Variants in KCNK3 observed in about 807,000 individuals in gnomAD.
KCNK3 encodes the protein potassium channel subfamily K member 3.
A neutral mutation model predicts 27.3 loss-of-function variants in KCNK3; 9 were observed. That is an observed-to-expected ratio of 0.33 (90% CI 0.20 to 0.57). KCNK3 has a LOEUF of 0.57. Ranked by LOEUF, KCNK3 falls within the 20% of genes least tolerant of loss-of-function variation. The pLI, the probability that KCNK3 is intolerant of heterozygous loss-of-function variation, is 0.87. For missense variants in KCNK3, 391 were observed against 577.7 expected (o/e 0.68, Z 3.31); for synonymous variants, 278 against 273.8 (o/e 1.02, Z -0.15).
At chr2:26,711,906 G>C (rs1040049307) in intron 1 of KCNK3, among the ~76,000 whole-genome samples, 10 of 152,256 alleles carry the variant, frequency 6.6e-5, no homozygotes, top group South Asian at 6.2e-4. Flanking sequence ...GCTGCAGCTG[G>C]GGGGAGCTGG....
chr2:26,725,357 C>T (rs1663397389), intron 1 of KCNK3, among the ~76,000 whole-genome samples: 1 of 152,116 alleles, frequency 6.6e-6, no homozygotes, highest in Admixed American at 6.5e-5. Context: ...AGCTCTAGCT[C>T]AATCTTCCAG....
At chr2:26,710,483 C>T (rs1266054815) in intron 1 of KCNK3, among the ~76,000 whole-genome samples, 1 of 152,202 alleles carries the variant, frequency 6.6e-6, no homozygotes. Flanking sequence ...CACACACAGG[C>T]TTCAGAGAAG....
At chr2:26,699,442 G>A (rs1397030187) in intron 1 of KCNK3, among the ~76,000 whole-genome samples, 1 of 152,102 alleles carries the variant, frequency 6.6e-6, no homozygotes, top group East Asian at 1.9e-4. Context: ...GGCCACAGTG[G>A]GGACAGGACA....
At position 26,733,367 on chromosome 2, in the gene KCNK3, G is replaced by A. The variant is rs1010541595; in HGVS notation, c.*4799G>A. ...ATGCTGTCAATATCACCGACTCATG[G>A]AGCTTCGCAAGGCATCTTAGCTTAA... On this transcript the variant is annotated 3_prime_UTR_variant, in exon 2 of 2. Coordinates refer to ENST00000302909, the MANE Select transcript of KCNK3 (RefSeq NM_002246.3). 1 of 152,308 alleles carries A rather than the reference G, an allele frequency of 6.6e-6. No individual in the cohort carries two copies. The highest frequency in any genetic ancestry group is 2.1e-4 in the South Asian group (1 of 4,826). 9.4% of individuals were successfully genotyped at this position (152,308 alleles called of 1,614,324 possible). A position where few individuals can be genotyped will look rare whatever the true frequency, so the allele number is the denominator to read the frequency against.
chr2:26,696,769 C>T (rs1210564532), intron 1 of KCNK3, among the ~76,000 whole-genome samples: 1 of 152,192 alleles, frequency 6.6e-6, no homozygotes, highest in Non-Finnish European at 1.5e-5. Flanking sequence ...CAGGAAGGGG[C>T]TTCGGAGATC....
chr2:26,707,138 A>T (rs544014063), intron 1 of KCNK3, among the ~76,000 whole-genome samples: 1 of 152,324 alleles, frequency 6.6e-6, no homozygotes, highest in South Asian at 2.1e-4. Context: ...TGCTGGAAAG[A>T]GAGCATTCTT....
intron 1 of KCNK3, among the ~76,000 whole-genome samples, chr2:26,722,356 C>A (rs955832319): frequency 3.3e-5 from 5 of 152,224 alleles, no homozygotes; most frequent in African/African-American, 1.2e-4. Flanking sequence ...ATCATCAAAT[C>A]TTGGTGCTCC....
chr2:26,704,610 G>A (rs1361639742), intron 1 of KCNK3, among the ~76,000 whole-genome samples: 1 of 135,190 alleles, frequency 7.4e-6, no homozygotes, highest in East Asian at 2.2e-4. Context: ...CCCCAGTGGG[G>A]CAGCCTGGAG....
At chr2:26,700,372 G>T (rs1670292454) in intron 1 of KCNK3, among the ~76,000 whole-genome samples, 1 of 152,214 alleles carries the variant, frequency 6.6e-6, no homozygotes, top group Non-Finnish European at 1.5e-5. Flanking sequence ...GCAGCTCCCA[G>T]GTGGCTCCCA....
At chr2:26,708,929 G>A (rs1280234368) in intron 1 of KCNK3, among the ~76,000 whole-genome samples, 1 of 152,178 alleles carries the variant, frequency 6.6e-6, no homozygotes, top group African/African-American at 2.4e-5. Flanking sequence ...CGTGGTGGTG[G>A]TGGAGACAGA....
chr2:26,701,475 T>A (rs1330527309), intron 1 of KCNK3, among the ~76,000 whole-genome samples: 1 of 152,116 alleles, frequency 6.6e-6, no homozygotes, highest in African/African-American at 2.4e-5. Context: ...GTTGTTGCCA[T>A]TTCCTCCCCT....
intron 1 of KCNK3, among the ~76,000 whole-genome samples, chr2:26,726,769 G>T (rs926880792): frequency 8.7e-5 from 13 of 150,030 alleles, no homozygotes; most frequent in African/African-American, 3.2e-4. Flanking sequence ...CCTGATCTTG[G>T]CTCAGGGTGG....
At chr2:26,700,674 T>C (rs573316752) in intron 1 of KCNK3, among the ~76,000 whole-genome samples, 42 of 152,332 alleles carry the variant, frequency 2.8e-4, no homozygotes, top group Non-Finnish European at 5.4e-4. Flanking sequence ...AGAGAGGTCT[T>C]AGACAAATTG....
rs143700609 is a variant in KCNK3 at position 26,710,655 on chromosome 2, A to G, written c.284-17012A>G. Among the ~76,000 whole-genome samples the G allele has an allele frequency of 4.6e-3, 702 of 152,218 alleles. 8 individuals carry two copies. The highest frequency in any genetic ancestry group is 0.015 in the African/African-American group (643 of 41,556). Reference sequence around the variant, plus strand: ...CCCCTTCCCTACCCTGGTCTCTGGGATAAAGGAGGCTGTCTGGGATGTCTG... The same window carrying G: ...CCCCTTCCCTACCCTGGTCTCTGGGGTAAAGGAGGCTGTCTGGGATGTCTG... On this transcript the variant is annotated intron_variant, in intron 1 of 1. Transcript: ENST00000302909.
At chr2:26,714,701 C>T (rs1391926031) in intron 1 of KCNK3, among the ~76,000 whole-genome samples, 2 of 151,718 alleles carry the variant, frequency 1.3e-5, no homozygotes, top group African/African-American at 4.8e-5. Flanking sequence ...GCCTGGCCAA[C>T]ATGGCGAAAC....
chr2:26,700,437 C>T (rs1412491083), intron 1 of KCNK3, among the ~76,000 whole-genome samples: 1 of 152,246 alleles, frequency 6.6e-6, no homozygotes, highest in African/African-American at 2.4e-5. Context: ...ACAAGTCACA[C>T]CTTCACTTTC....
In KCNK3 at chr2:26,693,642, G is replaced by A. The variant is rs1670199493; in HGVS notation, c.283+484G>A. Among the ~76,000 whole-genome samples, 1 of 152,204 alleles carries A rather than the reference G, an allele frequency of 6.6e-6. No individual in the cohort carries two copies. On this transcript the variant is annotated intron_variant, in intron 1 of 1. Transcript: ENST00000302909. The surrounding 1 kb of genome is among the most constrained non-coding windows in gnomAD (Gnocchi z 5.5). ...GAATGCGGCACTTCGGGGCACTTGG[G>A]GCCACCCTATAACGGCGGCTGTGAG...
intron 1 of KCNK3, among the ~76,000 whole-genome samples, chr2:26,706,416 G>A (rs1572605374): frequency 6.6e-6 from 1 of 152,144 alleles, no homozygotes; most frequent in Admixed American, 6.5e-5. Context: ...AGGGAAGGTG[G>A]TCAGCCCAGG....
rs1343099738 is a variant in KCNK3 at position 26,692,739 on chromosome 2, G to A, written c.-137G>A. The A allele has an allele frequency of 1.3e-4, 42 of 328,820 alleles. No individual in the cohort carries two copies. Among genetic ancestry groups the A allele is most frequent in the Admixed American group, 6.0e-4 (9 of 15,088 alleles). The allele number at this position is 328,820 out of a possible 1,614,324, so 20.4% of individuals were successfully genotyped here. ...GCGGCGGCGGCGGCGGCGGCCCCGG[G>A]CGCTGAGCGGGTGCCCGGCGCGGAG... is the stretch of plus-strand genomic sequence containing the variant. On this transcript the variant is annotated 5_prime_UTR_variant, in exon 1 of 2. Coordinates refer to ENST00000302909, the MANE Select transcript of KCNK3 (RefSeq NM_002246.3). The surrounding 1 kb of genome is among the most constrained non-coding windows in gnomAD (Gnocchi z 5.6).
Sources: gnomAD v4.1 joint callset for allele counts (sites outside exome capture counted in the v4.1 genomes callset) on GRCh38, gnomAD v4.1.1 for gene constraint, Gnocchi (gnomAD v3.1) non-coding constraint, MANE v1.5 for transcripts, NCBI Gene and HGNC (gene_info 2026-07-23, HGNC 2026-07-21) for gene names.